C7orf33: variants seen among roughly 807,000 people sequenced by gnomAD.
C7orf33 encodes uncharacterized protein C7orf33.
A neutral mutation model predicts 13.4 loss-of-function variants in C7orf33; 15 were observed. The ratio of observed to expected loss-of-function variants is 1.12; its 90% confidence interval spans 0.75 to 1.72. The LOEUF (loss-of-function observed/expected upper bound fraction) is 1.72. Among genes scored for constraint, C7orf33 ranks in the 40% most tolerant of loss-of-function variants. C7orf33 has a pLI of 0.00. For synonymous variants in C7orf33, 73 were observed against 83.2 expected, an observed-to-expected ratio of 0.88 and a Z score of 0.67; for missense variants, 187 against 220.3, an observed-to-expected ratio of 0.85 and a Z score of 0.96.
intron 1 of C7orf33, among the ~76,000 whole-genome samples, chr7:148,612,203 A>ATT (rs141795898): frequency 6.6e-6 from 1 of 150,606 alleles, no homozygotes; most frequent in African/African-American, 2.4e-5. Context: ...TTAGCCAGTG[A>ATT]TTTTTTTTTT....
Position 148,614,297 on chromosome 7 carries a change from G to A in C7orf33, c.459+1G>A, listed in dbSNP as rs141295114. ...GACAGTGACAAGTTCATACCTAAAC[G>A]TAAGCTCCGAAGTGTCTTAGCACCT... On this transcript the variant is annotated splice_donor_variant, in intron 2 of 2. Coordinates refer to ENST00000307003, the MANE Select transcript of C7orf33 (RefSeq NM_145304.4). LOFTEE classifies it high-confidence loss of function. 116 of 1,613,562 alleles carry A rather than the reference G, an allele frequency of 7.2e-5. No individual in the cohort carries two copies. The highest frequency in any genetic ancestry group is 3.5e-4 in the African/African-American group (26 of 75,026).
chr7:148,597,907 C>T (rs1796360017), intron 1 of C7orf33, among the ~76,000 whole-genome samples: 1 of 152,118 alleles, frequency 6.6e-6, no homozygotes, highest in Non-Finnish European at 1.5e-5. Flanking sequence ...AGGTGCCTGC[C>T]ACCATGCCCG....
In C7orf33 at chr7:148,614,221, C is replaced by G. The variant is rs754614935; in HGVS notation, c.384C>G (p.Thr128=). 1 of 1,614,208 alleles carries G rather than the reference C, an allele frequency of 6.2e-7. No homozygotes were observed. Among genetic ancestry groups the G allele is most frequent in the African/African-American group, 1.3e-5 (1 of 75,028 alleles). Residue 128 remains threonine, a synonymous_variant, in exon 2 of 3, where the codon ACC becomes ACG. Transcript: ENST00000307003. ...TGTCCTCAGATCCAGTTGTCGGCAC[C>G]TTGTCTTCCAGTTACCTAGATCTGC... The part of the protein sequence containing the change: ...MGLSSDPVVG[T]LSSSYLDLLT...
At chr7:148,604,686 C>T (rs1796454767) in intron 1 of C7orf33, among the ~76,000 whole-genome samples, 1 of 152,160 alleles carries the variant, frequency 6.6e-6, no homozygotes, top group Admixed American at 6.5e-5. Context: ...CAAACACTGC[C>T]TGTTCCCCAA....
In C7orf33 at chr7:148,590,958, A is replaced by G. The variant is rs112256370; in HGVS notation, c.33A>G (p.Glu11=). The G allele has an allele frequency of 4.0e-5, 65 of 1,614,186 alleles. 2 individuals carry two copies. The African/African-American group carries it at 4.3e-4, about 11-fold the overall frequency. Residue 11 remains glutamate (E), a synonymous_variant, in exon 1 of 3, where the codon GAA becomes GAG. Coordinates refer to ENST00000307003, the MANE Select transcript of C7orf33 (RefSeq NM_145304.4). ...TGGAAGTTCAAAGCCTCAGCCTTGA[A>G]GAGTGTCCCTGGAGACTTCCAGGCC... The part of the protein sequence containing the change: MQVEVQSLSL[E]ECPWRLPGPQ...
In C7orf33 at chr7:148,614,160, G is replaced by A. The variant is rs370470523; in HGVS notation, c.323G>A (p.Arg108Lys). 5.0e-6 allele frequency: 8 copies of A among 1,614,108 alleles called. No homozygotes were observed. In the African/African-American group the frequency reaches 1.1e-4, roughly 22 times the overall value. ...FLSQGPTDAQ[R>K]AVRIRPGTRM... ...TCTCAAGGTCCCACGGATGCCCAGAGAGCAGTCAGAATCAGGCCAGGCACC... is the reference window on the plus strand; with the variant it reads ...TCTCAAGGTCCCACGGATGCCCAGAAAGCAGTCAGAATCAGGCCAGGCACC... Residue 108 changes from arginine to lysine, a missense_variant, in exon 2 of 3, where the codon AGA (arginine) becomes AAA (lysine). By Grantham distance (26) the Arg-to-Lys change is conservative. Coordinates refer to ENST00000307003, the MANE Select transcript of C7orf33 (RefSeq NM_145304.4).
At chr7:148,598,179 C>T (rs115650952) in intron 1 of C7orf33, among the ~76,000 whole-genome samples, 2,726 of 152,282 alleles carry the variant, frequency 0.018, 81 homozygotes, top group African/African-American at 0.062. Flanking sequence ...CCTTCCTCCT[C>T]TCCTGCCCCC....
chr7:148,615,298 T>C (rs1385880819), intron 2 of C7orf33, 29 bp from the exon 3 acceptor site: 9 of 1,484,716 alleles, frequency 6.1e-6, no homozygotes, highest in Non-Finnish European at 8.5e-6. Context: ...CATCCTGAGA[T>C]AACAGAAGTC....
chr7:148,603,548 G>A (rs1256433730), intron 1 of C7orf33, among the ~76,000 whole-genome samples: 2 of 152,170 alleles, frequency 1.3e-5, no homozygotes, highest in African/African-American at 4.8e-5. Flanking sequence ...TGTAGAGTGT[G>A]CAGGATCCGG....
chr7:148,602,490 G>A (rs1255199724), intron 1 of C7orf33, among the ~76,000 whole-genome samples: 2 of 152,096 alleles, frequency 1.3e-5, no homozygotes, highest in East Asian at 1.9e-4. Flanking sequence ...CCAGCTACTC[G>A]GGGAGGCTGA....
Position 148,615,814 on chromosome 7 carries a change from T to TA in C7orf33, c.*414dup, listed in dbSNP as rs1356555184. 1 of 160,942 alleles carries TA rather than the reference T, an allele frequency of 6.2e-6. No individual in the cohort carries two copies. The highest frequency in any genetic ancestry group is 1.4e-5 in the Non-Finnish European group (1 of 72,840). 10.0% of individuals were successfully genotyped at this position (160,942 alleles called of 1,614,324 possible). A position where few individuals can be genotyped will look rare whatever the true frequency, so the allele number is the denominator to read the frequency against. ...TTATGATATTATTTGTAATATCTGG[T>TA]ATGTCTAAGTAAAACATGCATTCAG... On this transcript the variant is annotated 3_prime_UTR_variant, in exon 3 of 3. Transcript: ENST00000307003.
At chr7:148,611,926 G>A (rs536205863) in intron 1 of C7orf33, among the ~76,000 whole-genome samples, 5 of 152,340 alleles carry the variant, frequency 3.3e-5, no homozygotes, top group Middle Eastern at 3.4e-3. Context: ...AGCCACACCT[G>A]TGTTGCATGT....
Position 148,590,860 on chromosome 7 carries a change from T to TGGTGGTGA in C7orf33, c.-66_-65insGGTGGTGA. ...CCTGGGGATCCGTGCGACTTGATCT[T>TGGTGGTGA]AGATATTGGTGGTGAAGCGCCGCTC... On this transcript the variant is annotated 5_prime_UTR_variant, in exon 1 of 3. Transcript: ENST00000307003. 6.9e-7 allele frequency: 1 copy of TGGTGGTGA among 1,442,316 alleles called. No individual in the cohort carries two copies. Among genetic ancestry groups the TGGTGGTGA allele is most frequent in the Non-Finnish European group, 9.7e-7 (1 of 1,026,504 alleles). 89.3% of individuals were successfully genotyped at this position (1,442,316 alleles called of 1,614,324 possible).
At position 148,590,901 on chromosome 7, in the gene C7orf33, A is replaced by G. The variant is rs1473347187; in HGVS notation, c.-25A>G. On this transcript the variant is annotated 5_prime_UTR_variant, in exon 1 of 3. Transcript: ENST00000307003. ...AGCGCCGCTCTCCTTGACAGCATCC[A>G]GGAAAGGTAATTACCTTTGCCAAAA... The G allele has an allele frequency of 6.2e-7, 1 of 1,607,202 alleles. No individual in the cohort carries two copies.
chr7:148,599,334 C>G (rs1356325159), intron 1 of C7orf33, among the ~76,000 whole-genome samples: 2 of 152,014 alleles, frequency 1.3e-5, no homozygotes, highest in African/African-American at 4.8e-5. Flanking sequence ...CAAATGAAAC[C>G]CCTGAACAAT....
At chr7:148,608,431 AAATAAT>A (rs140792362) in intron 1 of C7orf33, among the ~76,000 whole-genome samples, 4 of 149,656 alleles carry the variant, frequency 2.7e-5, no homozygotes, top group East Asian at 2.0e-4. Flanking sequence ...CTGCATCTCG[AAATAAT>A]AATAATAATA....
Position 148,615,493 on chromosome 7 carries a change from G to A in C7orf33, c.*92G>A, listed in dbSNP as rs1796593281. Reference sequence around the variant, plus strand: ...AAAAAAGAGAAATAGCTGAAGTTCTGGAAATAACAGTTGATGAAAACTTGG... The same window carrying A: ...AAAAAAGAGAAATAGCTGAAGTTCTAGAAATAACAGTTGATGAAAACTTGG... On this transcript the variant is annotated 3_prime_UTR_variant, in exon 3 of 3. Transcript: ENST00000307003. 1.2e-6 allele frequency: 1 copy of A among 814,014 alleles called. No homozygotes were observed. The highest frequency in any genetic ancestry group is 2.1e-6 in the Non-Finnish European group (1 of 480,888). 50.4% of individuals were successfully genotyped at this position (814,014 alleles called of 1,614,324 possible). A position where few individuals can be genotyped will look rare whatever the true frequency, so the allele number is the denominator to read the frequency against.
Position 148,590,841 on chromosome 7 carries a change from G to T in C7orf33, c.-85G>T. 1.6e-6 allele frequency: 2 copies of T among 1,248,524 alleles called. No individual in the cohort carries two copies. The highest frequency in any genetic ancestry group is 2.4e-4 in the Middle Eastern group (1 of 4,220). The allele number at this position is 1,248,524 out of a possible 1,614,324, so 77.3% of individuals were successfully genotyped here. A position where few individuals can be genotyped will look rare whatever the true frequency, so the allele number is the denominator to read the frequency against. On this transcript the variant is annotated 5_prime_UTR_variant, in exon 1 of 3. Coordinates refer to ENST00000307003, the MANE Select transcript of C7orf33 (RefSeq NM_145304.4). The stretch of plus-strand genomic sequence containing the variant: ...TCTGAATCCTCCTACTGACCCTGGG[G>T]ATCCGTGCGACTTGATCTTAGATAT...
chr7:148,604,117 A>C (rs1355245254), intron 1 of C7orf33, among the ~76,000 whole-genome samples: 2 of 136,850 alleles, frequency 1.5e-5, no homozygotes, highest in South Asian at 4.8e-4. Context: ...AGGGACCATT[A>C]TTCTTTTTTT....
Sources: allele counts gnomAD v4.1 joint callset (sites outside exome capture counted in the v4.1 genomes callset), GRCh38; gene constraint gnomAD v4.1.1; transcripts MANE v1.5; gene names NCBI Gene and HGNC (gene_info 2026-07-23, HGNC 2026-07-21).